Variants in PRKG1 observed in about 807,000 individuals in gnomAD.
The protein encoded by PRKG1 is cGMP-dependent protein kinase 1.
Under a neutral mutation model 88.1 loss-of-function variants are expected in PRKG1, and 35 were observed. That is an observed-to-expected ratio of 0.40 (90% CI 0.30 to 0.53). PRKG1 has a LOEUF of 0.53. PRKG1 is among the 20% of genes least tolerant of loss of function. The pLI is 0.59. For missense variants in PRKG1, 540 were observed against 839.8 expected, an observed-to-expected ratio of 0.64 and a Z score of 4.41; for synonymous variants, 303 against 292.5, an observed-to-expected ratio of 1.04 and a Z score of -0.37.
intron 1 of PRKG1, among the ~76,000 whole-genome samples, chr10:51,110,613 G>T (rs772122898): frequency 3.3e-5 from 5 of 151,982 alleles, no homozygotes; most frequent in Non-Finnish European, 5.9e-5. Flanking sequence ...CTTGACTGTG[G>T]TGATGTTTTC....
At chr10:52,138,222 T>A (rs370761120) in intron 8 of PRKG1, among the ~76,000 whole-genome samples, 2 of 152,068 alleles carry the variant, frequency 1.3e-5, no homozygotes, top group East Asian at 1.9e-4. Context: ...ACATTCTAGA[T>A]CCTTCTTTAA....
intron 2 of PRKG1, among the ~76,000 whole-genome samples, chr10:51,189,718 A>G (rs1188862101): frequency 6.6e-6 from 1 of 152,030 alleles, no homozygotes; most frequent in East Asian, 1.9e-4. Flanking sequence ...TATATCTGGA[A>G]TTAAATTAAA....
At chr10:51,898,247 C>A (rs1285375274) in intron 4 of PRKG1, among the ~76,000 whole-genome samples, 1 of 151,984 alleles carries the variant, frequency 6.6e-6, no homozygotes, top group Non-Finnish European at 1.5e-5. Flanking sequence ...TTAACTTGCC[C>A]CTCTTTCCAT....
intron 4 of PRKG1, among the ~76,000 whole-genome samples, chr10:51,834,459 G>A (rs1409442053): frequency 1.3e-5 from 2 of 151,990 alleles, no homozygotes; most frequent in Middle Eastern, 3.4e-3. Context: ...TGGGCAACAC[G>A]GAGAAACCCC....
At position 52,034,829 on chromosome 10, in the gene PRKG1, G is replaced by A. The variant is rs568402815; in HGVS notation, c.763-19655G>A. On this transcript the variant is annotated intron_variant, in intron 5 of 17. Coordinates refer to ENST00000373980, the MANE Select transcript of PRKG1 (RefSeq NM_006258.4). ...GTCTGGTGTCTGGAATGAGACTGGG[G>A]CCTAATAAAAAGGAGTGTCTATACA... Among the ~76,000 whole-genome samples the A allele has an allele frequency of 7.2e-4, 110 of 152,282 alleles. No individual in the cohort carries two copies. The South Asian group carries it at 0.02, about 27-fold the overall frequency.
chr10:52,196,013 T>G (rs1310923541), intron 9 of PRKG1, among the ~76,000 whole-genome samples: 1 of 151,640 alleles, frequency 6.6e-6, no homozygotes, highest in East Asian at 1.9e-4. Flanking sequence ...TGTTTTTTGT[T>G]TTTTGTTTTT....
chr10:51,273,817 T>C (rs1393715307), intron 2 of PRKG1, among the ~76,000 whole-genome samples: 1 of 152,240 alleles, frequency 6.6e-6, no homozygotes, highest in Non-Finnish European at 1.5e-5. Flanking sequence ...CCCATCTGGC[T>C]GCTTTGGATG....
intron 4 of PRKG1, among the ~76,000 whole-genome samples, chr10:51,830,346 T>C (rs562871581): frequency 6.6e-6 from 1 of 152,238 alleles, no homozygotes; most frequent in East Asian, 1.9e-4. Flanking sequence ...CTAACAGTTA[T>C]CCAGAGTACA....
intron 4 of PRKG1, among the ~76,000 whole-genome samples, chr10:51,906,467 TATATA>T (rs1239585586): frequency 6.6e-6 from 1 of 151,990 alleles, no homozygotes. Flanking sequence ...ACATATAAGG[TATATA>T]TTGGTTTGGT....
At chr10:51,622,711 A>G (rs1373320127) in intron 3 of PRKG1, among the ~76,000 whole-genome samples, 1 of 152,190 alleles carries the variant, frequency 6.6e-6, no homozygotes, top group Non-Finnish European at 1.5e-5. Context: ...AGACACTTAT[A>G]AACAGAAAAG....
chr10:52,184,955 G>A (rs1028744969), intron 9 of PRKG1: 11 of 152,248 alleles, frequency 7.2e-5, no homozygotes, highest in African/African-American at 1.7e-4. Context: ...CTCCACCTCC[G>A]ACACTGGGAA....
At chr10:51,671,590 C>CTCTCT (rs1554830684) in intron 3 of PRKG1, among the ~76,000 whole-genome samples, 1 of 141,786 alleles carries the variant, frequency 7.1e-6, no homozygotes, top group African/African-American at 2.6e-5. Context: ...CTCTCTCTCT[C>CTCTCT]TTTTTTTTTT....
At chr10:51,265,208 G>C (rs1839809151) in intron 2 of PRKG1, among the ~76,000 whole-genome samples, 1 of 152,120 alleles carries the variant, frequency 6.6e-6, no homozygotes, top group African/African-American at 2.4e-5. Flanking sequence ...GGGTATATAA[G>C]TTAATTAATT....
intron 2 of PRKG1, among the ~76,000 whole-genome samples, chr10:51,446,694 C>G (rs1839282576): frequency 6.6e-6 from 1 of 152,048 alleles, no homozygotes; most frequent in African/African-American, 2.4e-5. Flanking sequence ...TCCTTTCGTT[C>G]AGGTTCTGCT....
chr10:51,512,330 G>A (rs1841440787), intron 3 of PRKG1, among the ~76,000 whole-genome samples: 2 of 139,216 alleles, frequency 1.4e-5, no homozygotes, highest in South Asian at 5.1e-4. Context: ...ATCTCCCAAT[G>A]CTATCCCTCC....
At chr10:51,465,043 A>T (rs1284248330) in intron 2 of PRKG1, among the ~76,000 whole-genome samples, 2 of 152,246 alleles carry the variant, frequency 1.3e-5, no homozygotes, top group East Asian at 3.8e-4. Flanking sequence ...ATTAATTGTC[A>T]GTAAATTGAA....
At chr10:52,090,678 T>A (rs968909344) in intron 7 of PRKG1, among the ~76,000 whole-genome samples, 8 of 152,310 alleles carry the variant, frequency 5.3e-5, no homozygotes, top group African/African-American at 1.7e-4. Context: ...CCTTCTAACA[T>A]GTGTCCACAT....
At chr10:52,238,239 C>G (rs1440208146) in intron 9 of PRKG1, among the ~76,000 whole-genome samples, 2 of 125,400 alleles carry the variant, frequency 1.6e-5, no homozygotes, top group African/African-American at 6.3e-5. Flanking sequence ...CTAGGCATTA[C>G]CATTCAGGAC....
At chr10:51,354,841 T>G (rs1191949377) in intron 2 of PRKG1, among the ~76,000 whole-genome samples, 1 of 152,076 alleles carries the variant, frequency 6.6e-6, no homozygotes, top group Non-Finnish European at 1.5e-5. Flanking sequence ...GTTACTTGTC[T>G]GTTTTGATTA....
Sources: allele counts gnomAD v4.1 joint callset (sites outside exome capture counted in the v4.1 genomes callset), GRCh38; gene constraint gnomAD v4.1.1; transcripts MANE v1.5; gene names NCBI Gene and HGNC (gene_info 2026-07-23, HGNC 2026-07-21).